Variants in OR6P1 observed in about 807,000 individuals in gnomAD.
The protein encoded by OR6P1 is olfactory receptor family 6 subfamily P member 1, also known as olfactory receptor 6P1.
Under a neutral mutation model 6.6 loss-of-function variants are expected in OR6P1, and 5 were observed. The ratio of observed to expected loss-of-function variants is 0.76; its 90% CI spans 0.40 to 1.60. The LOEUF (loss-of-function observed/expected upper bound fraction) is 1.60. Ranked by LOEUF, OR6P1 falls within the 40% of genes most tolerant of loss-of-function variation. The pLI is 0.02. For synonymous variants in OR6P1, 177 were observed against 149.6 expected (o/e 1.18, Z -1.33); for missense variants, 451 against 383.0 (o/e 1.18, Z -1.48).
At chr1:158,567,472 T>G (rs1280495833) in intron 1 of OR6P1, among the ~76,000 whole-genome samples, 21 of 139,920 alleles carry the variant, frequency 1.5e-4, no homozygotes, top group Admixed American at 7.3e-4. Context: ...CCATAAAAAA[T>G]GATGAGTTCA....
In OR6P1 at chr1:158,563,060, G is replaced by C; in HGVS notation, c.545C>G (p.Ser182Cys). Residue 182 changes from serine (S) to cysteine (C), a missense_variant, in exon 3 of 3, where the codon TCC becomes TGC. By Grantham distance (112) the Ser-to-Cys change is moderately radical. Transcript: ENST00000641540. ...AGAGCAGGTGAGGTTGAGTAGTGGG[G>C]AAATATCACAGAAAAAGTGGTTGAT... ...NIINHFFCDI[S>C]PLLNLTCSDK... The C allele has an allele frequency of 6.4e-7, 1 of 1,551,814 alleles. No homozygotes were observed. The highest frequency in any genetic ancestry group is 2.0e-5 in the Admixed American group (1 of 51,002).
chr1:158,563,829 T>C (rs909935449), intron 2 of OR6P1, among the ~76,000 whole-genome samples: 3 of 152,212 alleles, frequency 2.0e-5, no homozygotes, highest in African/African-American at 7.2e-5. Flanking sequence ...CAATCTTAAC[T>C]ACAGTGGGTA....
intron 1 of OR6P1, 28 bp from the exon 2 acceptor site, chr1:158,566,886 T>C (rs547004384): frequency 7.4e-4 from 113 of 152,162 alleles, no homozygotes; most frequent in African/African-American, 2.5e-3. Flanking sequence ...ATTTTTGCAA[T>C]CCACTCATCT....
At position 158,563,345 on chromosome 1, in the gene OR6P1, G is replaced by T; in HGVS notation, c.260C>A (p.Thr87Asn). The T allele has an allele frequency of 6.4e-7, 1 of 1,551,546 alleles. No homozygotes were observed. Among genetic ancestry groups the T allele is most frequent in the African/African-American group, 1.4e-5 (1 of 73,132 alleles). The change falls in exon 3 of 3, where the codon ACC becomes AAC. Residue 87 changes from threonine to asparagine, a missense_variant. By Grantham distance (65) the Thr-to-Asn change is moderately conservative. Transcript: ENST00000641540. ...TACGTAGGAGACTCTACCATCCTGGGTAAGAAAGGCTGCCAAGAGCCGAGG... is the reference window on the plus strand; with the variant it reads ...TACGTAGGAGACTCTACCATCCTGGTTAAGAAAGGCTGCCAAGAGCCGAGG... The part of the protein sequence containing the change: ...TIPRLLAAFL[T>N]QDGRVSYVGC...
chr1:158,565,886 G>C (rs1431705064), intron 2 of OR6P1, among the ~76,000 whole-genome samples: 1 of 152,044 alleles, frequency 6.6e-6, no homozygotes, highest in East Asian at 1.9e-4. Flanking sequence ...CTTTTTATTA[G>C]TTGTGTGCCA....
At chr1:158,569,511 T>C (rs975716787) in intron 1 of OR6P1, among the ~76,000 whole-genome samples, 10 of 152,296 alleles carry the variant, frequency 6.6e-5, no homozygotes, top group African/African-American at 2.4e-4. Context: ...TCATCACAAA[T>C]TGAAGAATCT....
In OR6P1 at chr1:158,563,279, C is replaced by T. The variant is rs200054655; in HGVS notation, c.326G>A (p.Cys109Tyr). The T allele has an allele frequency of 6.4e-7, 1 of 1,551,514 alleles. No individual in the cohort carries two copies. Among genetic ancestry groups the T allele is most frequent in the Non-Finnish European group, 8.7e-7 (1 of 1,146,946 alleles). The change falls in exon 3 of 3, where the codon TGT becomes TAT. Residue 109 changes from cysteine (C) to tyrosine (Y), a missense_variant. Cys to Tyr is a radical substitution (Grantham distance 194). Transcript: ENST00000641540. ...AACTGCCAACAGCACACATTCAGTA[C>T]AGGCTAAGGCAATAAAGAAGTACAG... is the stretch of plus-strand genomic sequence containing the variant. Reference protein sequence around the residue: ...TQLYFFIALACTECVLLAVMA... With the variant: ...TQLYFFIALAYTECVLLAVMA...
Position 158,563,289 on chromosome 1 carries a change from C to T in OR6P1, c.316G>A (p.Ala106Thr). Residue 106 changes from alanine (A) to threonine (T), a missense_variant, in exon 3 of 3, where the codon GCC becomes ACC. Coordinates refer to ENST00000641540, the MANE Select transcript of OR6P1 (RefSeq NM_001160325.2). ...AGCACACATTCAGTACAGGCTAAGG[C>T]AATAAAGAAGTACAGTTGGGTCATG... is the stretch of plus-strand genomic sequence containing the variant. ...GCMTQLYFFI[A>T]LACTECVLLA... 6.4e-7 allele frequency: 1 copy of T among 1,551,432 alleles called. No individual in the cohort carries two copies. The highest frequency in any genetic ancestry group is 1.2e-5 in the South Asian group (1 of 84,040).
intron 2 of OR6P1, among the ~76,000 whole-genome samples, chr1:158,566,289 G>A (rs1557900890): frequency 6.6e-6 from 1 of 152,116 alleles, no homozygotes; most frequent in Non-Finnish European, 1.5e-5. Flanking sequence ...ATACCCTCAA[G>A]TGTCCAAAAA....
At position 158,569,593 on chromosome 1, in the gene OR6P1, G is replaced by A. The variant is rs115577371; in HGVS notation, c.-118+849C>T. Among the ~76,000 whole-genome samples the A allele has an allele frequency of 3.2e-3, 489 of 152,196 alleles. 4 individuals carry two copies. The highest frequency in any genetic ancestry group is 6.8e-3 in the Middle Eastern group (2 of 292). The stretch of plus-strand genomic sequence containing the variant: ...TGAGATTATTATAATTACTGTCTTC[G>A]TCTCTATCTATAAGGCATATGAAGA... On this transcript the variant is annotated intron_variant, in intron 1 of 2. Transcript: ENST00000641540.
Position 158,560,992 on chromosome 1 carries a change from T to C in OR6P1, c.*1659A>G, listed in dbSNP as rs1258602301. 6.6e-6 allele frequency: 1 copy of C among 152,122 alleles called. No individual in the cohort carries two copies. Among genetic ancestry groups the C allele is most frequent in the East Asian group, 1.9e-4 (1 of 5,196 alleles). 9.4% of individuals were successfully genotyped at this position (152,122 alleles called of 1,614,324 possible). A position where few individuals can be genotyped will look rare whatever the true frequency, so the allele number is the denominator to read the frequency against. On this transcript the variant is annotated 3_prime_UTR_variant, in exon 3 of 3. Transcript: ENST00000641540. Reference sequence around the variant, plus strand: ...CTAGAGAACCAGAACTAGAAATTAATCCAAGATCAAATTTATCCAAAAGGA... The same window carrying C: ...CTAGAGAACCAGAACTAGAAATTAACCCAAGATCAAATTTATCCAAAAGGA...
chr1:158,564,913 A>C (rs900335024), intron 2 of OR6P1, among the ~76,000 whole-genome samples: 5 of 152,194 alleles, frequency 3.3e-5, no homozygotes, highest in African/African-American at 9.7e-5. Flanking sequence ...CCCTGGTAAA[A>C]TTACAAGTCT....
chr1:158,569,812 G>A (rs565828485), intron 1 of OR6P1, among the ~76,000 whole-genome samples: 5 of 152,128 alleles, frequency 3.3e-5, no homozygotes, highest in East Asian at 1.9e-4. Flanking sequence ...TGATAATCTC[G>A]CTATGCAGGT....
chr1:158,564,914 T>C (rs1467277110), intron 2 of OR6P1, among the ~76,000 whole-genome samples: 1 of 152,206 alleles, frequency 6.6e-6, no homozygotes, highest in African/African-American at 2.4e-5. Flanking sequence ...CCTGGTAAAA[T>C]TACAAGTCTG....
rs1468453383 is a variant in OR6P1, at chr1:158,562,962, C to G, written c.643G>C (p.Val215Leu). 6.4e-7 allele frequency: 1 copy of G among 1,551,650 alleles called. No homozygotes were observed. The highest frequency in any genetic ancestry group is 2.0e-5 in the Admixed American group (1 of 50,996). ...GCAATGATGGCAGTGTATGATGAAACCACAGCCAATAGAGGGAGTAGAATC... is the reference window on the plus strand; with the variant it reads ...GCAATGATGGCAGTGTATGATGAAAGCACAGCCAATAGAGGGAGTAGAATC... ...VMILLPLLAV[V>L]SSYTAIIAAI... The change falls in exon 3 of 3, where the codon GTT becomes CTT. Residue 215 changes from valine to leucine, a missense_variant. Coordinates refer to ENST00000641540, the MANE Select transcript of OR6P1 (RefSeq NM_001160325.2).
At chr1:158,568,548 C>A (rs898078934) in intron 1 of OR6P1, among the ~76,000 whole-genome samples, 2 of 152,112 alleles carry the variant, frequency 1.3e-5, no homozygotes, top group African/African-American at 4.8e-5. Context: ...CCCTCAGAAC[C>A]AAGAACAGCT....
chr1:158,566,741 A>G (rs942336350), intron 2 of OR6P1, 23 bp downstream of exon 2: 1 of 152,168 alleles, frequency 6.6e-6, no homozygotes, highest in African/African-American at 2.4e-5. Context: ...GCACTGCATA[A>G]AATTGGTGAA....
In OR6P1 at chr1:158,563,680, A is replaced by G. The variant is rs1648029057; in HGVS notation, c.-22-54T>C. 11 of 857,676 alleles carry G rather than the reference A, an allele frequency of 1.3e-5. No homozygotes were observed. In the South Asian group the frequency reaches 1.4e-4, roughly 11 times the overall value. 53.1% of individuals were successfully genotyped at this position (857,676 alleles called of 1,614,324 possible). A position where few individuals can be genotyped will look rare whatever the true frequency, so the allele number is the denominator to read the frequency against. ...GTTTGAAAGATAGCTGCAACAAACC[A>G]CCAACATACTCTCACAGGTTATAAC... On this transcript the variant is annotated intron_variant, in intron 2 of 2. Transcript: ENST00000641540.
In OR6P1 at chr1:158,563,137, G is replaced by A; in HGVS notation, c.468C>T (p.Ser156=). 1 of 1,551,444 alleles carries A rather than the reference G, an allele frequency of 6.4e-7. No individual in the cohort carries two copies. Among genetic ancestry groups the A allele is most frequent in the African/African-American group, 1.4e-5 (1 of 73,118 alleles). The stretch of plus-strand genomic sequence containing the variant: ...GGGAAATAAAAAGAAGCTTCATCAT[G>A]GAGCTGAAGAAGCCACTGCCCCAAG... The part of the protein sequence containing the change: ...AASWGSGFFS[S]MMKLLFISQL... The change falls in exon 3 of 3, where the codon TCC becomes TCT. Residue 156 remains serine, a synonymous_variant. Coordinates refer to ENST00000641540, the MANE Select transcript of OR6P1 (RefSeq NM_001160325.2).
Sources: allele counts gnomAD v4.1 joint callset (sites outside exome capture counted in the v4.1 genomes callset), GRCh38; gene constraint gnomAD v4.1.1; transcripts MANE v1.5; gene names NCBI Gene and HGNC (gene_info 2026-07-23, HGNC 2026-07-21).